The following FAM161A variants were observed in gnomAD, a reference collection of about 807,000 sequenced individuals.
The protein encoded by FAM161A is protein FAM161A.
Under a neutral mutation model 70.9 loss-of-function variants are expected in FAM161A, and 57 were observed. The ratio of observed to expected loss-of-function variants is 0.80; its 90% CI spans 0.65 to 1.00. The LOEUF (loss-of-function observed/expected upper bound fraction) is 1.00. Ranked by LOEUF, FAM161A falls within the 50% of genes least tolerant of loss-of-function variation. The pLI is 0.00. For missense variants in FAM161A, 880 were observed against 836.0 expected, an observed-to-expected ratio of 1.05 and a Z score of -0.65; for synonymous variants, 299 against 295.7, an observed-to-expected ratio of 1.01 and a Z score of -0.12.
downstream of FAM161A, among the ~76,000 whole-genome samples, chr2:61,823,520 C>T (rs944744583): frequency 2.0e-5 from 3 of 151,484 alleles, no homozygotes; most frequent in Non-Finnish European, 4.4e-5. Context: ...TGCATGACAC[C>T]CCGCCTGGCT....
At chr2:61,816,951 A>G in the FAM161A span, among the ~76,000 whole-genome samples, 1 of 152,206 alleles carries the variant, frequency 6.6e-6, no homozygotes, top group Non-Finnish European at 1.5e-5. Context: ...GGAGTCACAC[A>G]CCCGGAGTGG....
At chr2:61,821,769 T>TTTA (rs571469343), downstream of FAM161A, among the ~76,000 whole-genome samples, 1 of 151,634 alleles carries the variant, frequency 6.6e-6, no homozygotes, top group Non-Finnish European at 1.5e-5. Flanking sequence ...TTTTATTTTA[T>TTTA]TTATTATTAT....
At chr2:61,828,043 T>C (rs964100332) in intron 5 of FAM161A, among the ~76,000 whole-genome samples, 6 of 152,192 alleles carry the variant, frequency 3.9e-5, no homozygotes, top group African/African-American at 4.8e-5. Context: ...TGTTTGAGGA[T>C]AGGTACACAC....
intron 1 of FAM161A, among the ~76,000 whole-genome samples, chr2:61,846,526 T>C (rs1033582600): frequency 6.6e-6 from 1 of 152,174 alleles, no homozygotes; most frequent in Non-Finnish European, 1.5e-5. Flanking sequence ...CACTTAGCAA[T>C]GTGATGTGGG....
chr2:61,813,991 C>G, the FAM161A span, among the ~76,000 whole-genome samples: 1 of 152,010 alleles, frequency 6.6e-6, no homozygotes, highest in Non-Finnish European at 1.5e-5. Flanking sequence ...GTATGAGGTG[C>G]CAGGCAGTCA....
intron 4 of FAM161A, among the ~76,000 whole-genome samples, chr2:61,838,277 C>A (rs1672847602): frequency 6.6e-6 from 1 of 152,128 alleles, no homozygotes; most frequent in Non-Finnish European, 1.5e-5. Flanking sequence ...AAGATTATAA[C>A]CATTAACTAA....
rs141138651 is a variant in FAM161A at position 61,853,214 on chromosome 2, T to C, written c.183+645A>G. On this transcript the variant is annotated intron_variant, in intron 1 of 6. Coordinates refer to ENST00000404929, the MANE Select transcript of FAM161A (RefSeq NM_001201543.2). ...CACGAGCCACCGCGCCCGGCCAAGATTCCCATCTTTTAAGTGAATTGAGCA... is the reference window on the plus strand; with the variant it reads ...CACGAGCCACCGCGCCCGGCCAAGACTCCCATCTTTTAAGTGAATTGAGCA... 2.0e-3 allele frequency among the ~76,000 whole-genome samples: 309 copies of C among 152,258 alleles called. 3 individuals are homozygous for C. Among genetic ancestry groups the C allele is most frequent in the African/African-American group, 7.1e-3 (295 of 41,552 alleles).
chr2:61,805,371 C>G, the FAM161A span, among the ~76,000 whole-genome samples: 1 of 152,100 alleles, frequency 6.6e-6, no homozygotes, highest in Non-Finnish European at 1.5e-5. Context: ...CAAAATTTAG[C>G]CGGGCTTGGT....
chr2:61,823,254 A>C (rs368409693), downstream of FAM161A, among the ~76,000 whole-genome samples: 6 of 150,120 alleles, frequency 4.0e-5, no homozygotes, highest in African/African-American at 1.5e-4. Context: ...AATCACTTGA[A>C]CCTGGGTGGC....
In FAM161A at chr2:61,839,461, C is replaced by A. The variant is rs751120519; in HGVS notation, c.1543G>T (p.Val515Leu). The A allele has an allele frequency of 1.2e-5, 20 of 1,613,998 alleles. No homozygotes were observed. The highest frequency in any genetic ancestry group is 3.3e-5 in the South Asian group (3 of 91,086). Residue 515 changes from valine to leucine, a missense_variant, in exon 3 of 7, where the codon GTG becomes TTG. By Grantham distance (32) the Val-to-Leu change is conservative. Transcript: ENST00000404929. ...NPVPCNCNPPVPTVSSRGREQ... is the reference protein window; with the variant it reads ...NPVPCNCNPPLPTVSSRGREQ... ...CGTCCTCTGGAAGATACCGTGGGCA[C>A]GGGAGGGTTGCAGTTACAAGGCACA... is the stretch of plus-strand genomic sequence containing the variant.
intron 5 of FAM161A, 90 bp downstream of exon 5, chr2:61,835,920 A>AT: frequency 1.1e-6 from 1 of 870,688 alleles, no homozygotes; most frequent in East Asian, 2.4e-5. Flanking sequence ...TATATAACAC[A>AT]TAAGAAAAAT....
At chr2:61,853,201 C>A (rs567993620) in intron 1 of FAM161A, among the ~76,000 whole-genome samples, 1 of 152,180 alleles carries the variant, frequency 6.6e-6, no homozygotes, top group East Asian at 1.9e-4. Flanking sequence ...CGAGCCACCG[C>A]GCCCGGCCAA....
chr2:61,844,501 C>T (rs1340296951), intron 1 of FAM161A, among the ~76,000 whole-genome samples: 1 of 152,028 alleles, frequency 6.6e-6, no homozygotes, highest in African/African-American at 2.4e-5. Context: ...GAGTTTGAGA[C>T]CAGCCTGGCC....
At chr2:61,839,201 TAAGAC>T (rs1022655151) in intron 3 of FAM161A, among the ~76,000 whole-genome samples, 1 of 152,106 alleles carries the variant, frequency 6.6e-6, no homozygotes, top group African/African-American at 2.4e-5. Context: ...CTAGAAATCT[TAAGAC>T]TATTATTTTC....
the FAM161A span, among the ~76,000 whole-genome samples, chr2:61,817,696 G>T: frequency 6.6e-6 from 1 of 152,326 alleles, no homozygotes; most frequent in Non-Finnish European, 1.5e-5. Flanking sequence ...GCCAGGTGCG[G>T]TGGCTCATGC....
At chr2:61,812,474 C>T in the FAM161A span, among the ~76,000 whole-genome samples, 4 of 152,164 alleles carry the variant, frequency 2.6e-5, no homozygotes, top group Non-Finnish European at 5.9e-5. Flanking sequence ...GTAATCCCAG[C>T]ACTTTGGGAG....
At position 61,839,913 on chromosome 2, in the gene FAM161A, G is replaced by C. The variant is rs371865292; in HGVS notation, c.1091C>G (p.Thr364Ser). The change falls in exon 3 of 7, where the codon ACT becomes AGT. Residue 364 changes from threonine to serine, a missense_variant. Coordinates refer to ENST00000404929, the MANE Select transcript of FAM161A (RefSeq NM_001201543.2). ...RFKARPIPRS[T>S]YGSTTNDKLK... ...CTTGTCATTGGTAGTTGAACCATAA[G>C]TAGATCGAGGAATGGGTCTGGCTTT... 1 of 1,614,082 alleles carries C rather than the reference G, an allele frequency of 6.2e-7. No individual in the cohort carries two copies. The highest frequency in any genetic ancestry group is 1.3e-5 in the African/African-American group (1 of 74,942).
the FAM161A span, among the ~76,000 whole-genome samples, chr2:61,817,128 A>G: frequency 6.6e-6 from 1 of 152,220 alleles, no homozygotes. Context: ...GTCAGATGGC[A>G]GACGGTCAAG....
intron 5 of FAM161A, among the ~76,000 whole-genome samples, chr2:61,829,978 TAAA>T (rs35728481): frequency 1.4e-5 from 2 of 146,768 alleles, no homozygotes; most frequent in East Asian, 4.0e-4. Context: ...AAAAATGTAC[TAAA>T]AAAAAAAAGC....
Sources: allele counts gnomAD v4.1 joint callset (sites outside exome capture counted in the v4.1 genomes callset), GRCh38; gene constraint gnomAD v4.1.1; transcripts MANE v1.5; gene names NCBI Gene and HGNC (gene_info 2026-07-23, HGNC 2026-07-21).